KLHL5: variants seen among roughly 807,000 people sequenced by gnomAD.
The protein encoded by KLHL5 is kelch like family member 5.
A neutral mutation model predicts 77.7 loss-of-function variants in KLHL5; 48 were observed. That is an observed-to-expected ratio of 0.62 (90% CI 0.49 to 0.79). KLHL5 has a LOEUF of 0.79. Ranked by LOEUF, KLHL5 falls within the 30% of genes least tolerant of loss-of-function variation. The pLI, the probability that KLHL5 is intolerant of heterozygous loss-of-function variation, is 0.00. For synonymous variants in KLHL5, 260 were observed against 297.0 expected, an observed-to-expected ratio of 0.88 and a Z score of 1.28; for missense variants, 723 against 859.7, an observed-to-expected ratio of 0.84 and a Z score of 1.99.
chr4:39,110,008 T>A (rs1463246436), intron 8 of KLHL5, among the ~76,000 whole-genome samples: 2 of 152,212 alleles, frequency 1.3e-5, no homozygotes, highest in East Asian at 3.8e-4. Context: ...GAAAGAAACC[T>A]TATTTAGACT....
intron 1 of KLHL5, among the ~76,000 whole-genome samples, chr4:39,065,804 T>C (rs1338474168): frequency 6.6e-6 from 1 of 152,324 alleles, no homozygotes; most frequent in Admixed American, 6.5e-5. Context: ...GCATATGATA[T>C]ACTAATTACT....
downstream of KLHL5, among the ~76,000 whole-genome samples, chr4:39,128,771 T>G (rs1017707041): frequency 2.0e-5 from 3 of 151,998 alleles, no homozygotes; most frequent in African/African-American, 4.8e-5. Context: ...GAGACCAGCC[T>G]GGGAACACAG....
intron 6 of KLHL5, 49 bp from the exon 7 acceptor site, chr4:39,103,238 A>C: frequency 7.8e-7 from 1 of 1,286,176 alleles, no homozygotes; most frequent in Non-Finnish European, 1.1e-6. Context: ...TAAAATTACC[A>C]ATCATGGTAT....
At chr4:39,099,714 C>T (rs1185012084) in intron 6 of KLHL5, among the ~76,000 whole-genome samples, 2 of 152,180 alleles carry the variant, frequency 1.3e-5, no homozygotes, top group Non-Finnish European at 2.9e-5. Context: ...TCAATAGCAA[C>T]CCCCGACTAC....
intron 5 of KLHL5, among the ~76,000 whole-genome samples, chr4:39,090,854 C>T (rs28683781): frequency 1.3e-5 from 2 of 151,766 alleles, no homozygotes; most frequent in Non-Finnish European, 2.9e-5. Flanking sequence ...CCAGGCTGGA[C>T]TGCTGTGGTA....
At chr4:39,082,231 A>G in intron 4 of KLHL5, 72 bp downstream of exon 4, 1 of 1,225,030 alleles carries the variant, frequency 8.2e-7, no homozygotes, top group Non-Finnish European at 1.1e-6. Flanking sequence ...GCTTATCTGC[A>G]TGTTACTGTT....
At chr4:39,110,624 G>A in intron 8 of KLHL5, among the ~76,000 whole-genome samples, 1 of 151,934 alleles carries the variant, frequency 6.6e-6, no homozygotes, top group Admixed American at 6.6e-5. Context: ...CACCATGCCT[G>A]GCTAATTTTA....
the KLHL5 span, chr4:39,133,986 G>A: frequency 1.3e-5 from 2 of 152,208 alleles, no homozygotes; most frequent in African/African-American, 2.4e-5. Flanking sequence ...GCCTCCGAGA[G>A]GATGAGAATG....
At chr4:39,142,731 C>G in the KLHL5 span, among the ~76,000 whole-genome samples, 1 of 143,558 alleles carries the variant, frequency 7.0e-6, no homozygotes, top group Non-Finnish European at 1.5e-5. Context: ...TAAAATGGAA[C>G]AAACCTTTCA....
chr4:39,118,024 GCACTCTAGCCTGGGT>G (rs1722962646), intron 10 of KLHL5, among the ~76,000 whole-genome samples: 1 of 148,526 alleles, frequency 6.7e-6, no homozygotes, highest in Non-Finnish European at 1.5e-5. Context: ...TCGTGCCACT[GCACTCTAGCCTGGGT>G]GACAGAGCGA....
intron 5 of KLHL5, among the ~76,000 whole-genome samples, 177 bp downstream of exon 5, chr4:39,086,904 C>CTTTTTTTTTTTTTT (rs71643263): frequency 2.6e-5 from 2 of 78,346 alleles, no homozygotes; most frequent in African/African-American, 5.2e-5. Context: ...AAGTAACATT[C>CTTTTTTTTTTTTTT]TTTTTTTTTT....
At chr4:39,106,564 A>G (rs1039879016) in intron 7 of KLHL5, among the ~76,000 whole-genome samples, 66 of 152,224 alleles carry the variant, frequency 4.3e-4, no homozygotes, top group Non-Finnish European at 2.4e-4. Context: ...AATCATACCA[A>G]TAGATTATGG....
At chr4:39,099,758 CTATT>C (rs1450223972) in intron 6 of KLHL5, among the ~76,000 whole-genome samples, 9 of 152,116 alleles carry the variant, frequency 5.9e-5, no homozygotes, top group Non-Finnish European at 1.0e-4. Context: ...TAACATAGCG[CTATT>C]TATTTGTAGA....
chr4:39,081,436 TTGAA>T lies in KLHL5; in HGVS notation c.703+200_703+203del, dbSNP rs1265572751. Among the ~76,000 whole-genome samples, 1 of 152,208 alleles carries T rather than the reference TTGAA, an allele frequency of 6.6e-6. No individual in the cohort carries two copies. Among genetic ancestry groups the T allele is most frequent in the Non-Finnish European group, 1.5e-5 (1 of 68,040 alleles). ...TAAAATGGTTATCATAATTAAGTTT[TTGAA>T]TGGCCCTTTAAAATGTTAATATAAA... On this transcript the variant is annotated intron_variant, in intron 3 of 10. Transcript: ENST00000504108. This position sits in a 1 kb window ranked among gnomAD's most constrained non-coding sequence, Gnocchi z 4.3.
chr4:39,120,863 C>A, intron 10 of KLHL5, 147 bp from the exon 11 acceptor site: 1 of 603,864 alleles, frequency 1.7e-6, no homozygotes, highest in Non-Finnish European at 2.9e-6. Flanking sequence ...GGAAGGGGAC[C>A]AGGCCAGAAA....
At chr4:39,071,034 C>T (rs191527732) in intron 1 of KLHL5, among the ~76,000 whole-genome samples, 210 of 152,072 alleles carry the variant, frequency 1.4e-3, no homozygotes, top group African/African-American at 4.8e-3. Context: ...ATAAAAGCTT[C>T]TATTTATATT....
chr4:39,062,058 A>G (rs1717463675), upstream of KLHL5, among the ~76,000 whole-genome samples: 1 of 152,226 alleles, frequency 6.6e-6, no homozygotes, highest in Non-Finnish European at 1.5e-5. Flanking sequence ...ATCTAATTTT[A>G]CAAATGCTTT....
intron 1 of KLHL5, among the ~76,000 whole-genome samples, chr4:39,068,859 C>G (rs1253492689): frequency 6.6e-6 from 1 of 152,176 alleles, no homozygotes; most frequent in African/African-American, 2.4e-5. Context: ...AACTACGTAA[C>G]TACATAACTT....
chr4:39,098,084 C>T (rs546819167), intron 6 of KLHL5, among the ~76,000 whole-genome samples: 47 of 145,766 alleles, frequency 3.2e-4, no homozygotes, highest in Admixed American at 5.6e-4. Flanking sequence ...TGCAGTGAGC[C>T]GAGATTGCAC....
Sources: gnomAD v4.1 joint callset for allele counts (sites outside exome capture counted in the v4.1 genomes callset) on GRCh38, gnomAD v4.1.1 for gene constraint, Gnocchi (gnomAD v3.1) non-coding constraint, MANE v1.5 for transcripts, NCBI Gene and HGNC (gene_info 2026-07-23, HGNC 2026-07-21) for gene names.